Variants in RABGAP1L observed in about 807,000 individuals in gnomAD.
The protein encoded by RABGAP1L is RAB GTPase activating protein 1 like.
Under a neutral mutation model 137.7 loss-of-function variants are expected in RABGAP1L, and 63 were observed. The observed-to-expected ratio is 0.46, with a 90% CI of 0.37 to 0.56. RABGAP1L has a LOEUF of 0.56. Among genes scored for constraint, RABGAP1L ranks in the 20% least tolerant of loss-of-function variants. RABGAP1L has a pLI of 0.00. For synonymous variants in RABGAP1L, 431 were observed against 433.7 expected, an observed-to-expected ratio of 0.99 and a Z score of 0.08; for missense variants, 1,095 against 1,244.0, an observed-to-expected ratio of 0.88 and a Z score of 1.80.
intron 13 of RABGAP1L, among the ~76,000 whole-genome samples, chr1:174,636,256 C>T (rs974736562): frequency 6.6e-6 from 1 of 152,132 alleles, no homozygotes; most frequent in Non-Finnish European, 1.5e-5. Context: ...TCATCCTTCA[C>T]ACCTGTAATC....
In RABGAP1L at chr1:174,272,414, A is replaced by T. The variant is rs1196976188; in HGVS notation, c.987A>T (p.Arg329Ser). 2 of 1,601,212 alleles carry T rather than the reference A, an allele frequency of 1.2e-6. No individual in the cohort carries two copies. Among genetic ancestry groups the T allele is most frequent in the Non-Finnish European group, 1.7e-6 (2 of 1,175,306 alleles). Residue 329 changes from arginine (R) to serine (S), a missense_variant and splice_region_variant, in exon 8 of 26, where the codon AGA becomes AGT. By Grantham distance (110) the Arg-to-Ser change is moderately radical (BLOSUM62 -1). Coordinates refer to ENST00000681986, the MANE Select transcript of RABGAP1L (RefSeq NM_001366446.1). ...CCTTTTTTTCCCCCAATATTTTCAG[A>T]TGTTTTGGAATGTTATTAAGCCCAG... ...QLSNKELAIERCFGMLLSPGR... is the reference protein window; with the variant it reads ...QLSNKELAIESCFGMLLSPGR...
intron 10 of RABGAP1L, among the ~76,000 whole-genome samples, chr1:174,304,035 G>A (rs1278089352): frequency 6.6e-6 from 1 of 152,032 alleles, no homozygotes; most frequent in Admixed American, 6.6e-5. Context: ...TTTAAACATA[G>A]TGTTACTTGT....
intron 13 of RABGAP1L, among the ~76,000 whole-genome samples, chr1:174,518,501 G>A (rs1347233617): frequency 6.6e-6 from 1 of 152,036 alleles, no homozygotes; most frequent in African/African-American, 2.4e-5. Flanking sequence ...TTGCTGTATT[G>A]TTATTTTTTT....
intron 10 of RABGAP1L, among the ~76,000 whole-genome samples, chr1:174,287,803 C>A (rs1381161858): frequency 6.6e-6 from 1 of 152,094 alleles, no homozygotes; most frequent in Admixed American, 6.5e-5. Context: ...TACTCTATAT[C>A]TTTTGATTGA....
chr1:174,928,227 G>A (rs1663156623), intron 19 of RABGAP1L, among the ~76,000 whole-genome samples: 1 of 152,072 alleles, frequency 6.6e-6, no homozygotes, highest in Admixed American at 6.6e-5. Context: ...TCCAGGCCCA[G>A]CCAAGCCTTA....
intron 17 of RABGAP1L, among the ~76,000 whole-genome samples, chr1:174,710,490 C>G (rs1680395895): frequency 6.6e-6 from 1 of 152,150 alleles, no homozygotes; most frequent in Non-Finnish European, 1.5e-5. Context: ...CTGCAGAAAC[C>G]CTGCAAGCTA....
Position 174,439,691 on chromosome 1 carries a change from T to C in RABGAP1L, c.1710+45546T>C, listed in dbSNP as rs149736508. ...TTCTAGCTTTTTCTTGTGAAGTTTG[T>C]GTATTCTGAGCTTCACATAGACTGG... On this transcript the variant is annotated intron_variant, in intron 13 of 25. Coordinates refer to ENST00000681986, the MANE Select transcript of RABGAP1L (RefSeq NM_001366446.1). 2.8e-3 allele frequency among the ~76,000 whole-genome samples: 429 copies of C among 152,344 alleles called. 5 individuals are homozygous for C. The highest frequency in any genetic ancestry group is 9.9e-3 in the African/African-American group (411 of 41,582).
In RABGAP1L at chr1:174,788,988, T is replaced by TC. The variant is rs1488126484; in HGVS notation, c.2212-22843dup. On this transcript the variant is annotated intron_variant, in intron 18 of 25. Coordinates refer to ENST00000681986, the MANE Select transcript of RABGAP1L (RefSeq NM_001366446.1). ...TTCAGCCACCCAAAGTGCTGGGGGT[T>TC]CAGGTGTGAGCCACTGCAGTCAGCC... Among the ~76,000 whole-genome samples, 3 of 152,140 alleles carry TC rather than the reference T, an allele frequency of 2.0e-5. No homozygotes were observed. In the East Asian group the frequency reaches 5.8e-4, roughly 29 times the overall value.
At chr1:174,783,225 C>T (rs1297077732) in intron 18 of RABGAP1L, among the ~76,000 whole-genome samples, 1 of 152,192 alleles carries the variant, frequency 6.6e-6, no homozygotes, top group Admixed American at 6.5e-5. Context: ...TGGCTAAATG[C>T]CCAGGTTTGT....
intron 13 of RABGAP1L, among the ~76,000 whole-genome samples, chr1:174,616,223 C>A (rs550469791): frequency 6.6e-6 from 1 of 152,150 alleles, no homozygotes; most frequent in African/African-American, 2.4e-5. Flanking sequence ...ATTTTGGGTG[C>A]CCCCCGTTGG....
chr1:174,448,707 C>T lies in RABGAP1L; in HGVS notation c.1710+54562C>T. 1 of 1,613,994 alleles carries T rather than the reference C, an allele frequency of 6.2e-7. No individual in the cohort carries two copies. The highest frequency in any genetic ancestry group is 8.5e-7 in the Non-Finnish European group (1 of 1,179,890). On this transcript the variant is annotated intron_variant, in intron 13 of 25. Coordinates refer to ENST00000681986, the MANE Select transcript of RABGAP1L (RefSeq NM_001366446.1). This position sits in a 1 kb window ranked among gnomAD's most constrained non-coding sequence, Gnocchi z 4.2. ...GAATGGTGTGCCACGTCTTGGCTCA[C>T]CAGTGCCTATTTTACTGGCTTTATT...
intron 17 of RABGAP1L, among the ~76,000 whole-genome samples, chr1:174,707,426 A>C (rs921015792): frequency 1.3e-5 from 2 of 152,184 alleles, no homozygotes; most frequent in African/African-American, 4.8e-5. Context: ...AGAAGTTACT[A>C]TGATGGGGAA....
intron 13 of RABGAP1L, among the ~76,000 whole-genome samples, chr1:174,496,260 G>A (rs773148733): frequency 1.3e-5 from 2 of 152,156 alleles, no homozygotes; most frequent in Non-Finnish European, 2.9e-5. Context: ...TTCCAGTGTT[G>A]AGAAGAAGAG....
At chr1:174,821,066 C>T (rs1298511602) in intron 19 of RABGAP1L, among the ~76,000 whole-genome samples, 2 of 151,664 alleles carry the variant, frequency 1.3e-5, no homozygotes, top group Admixed American at 6.6e-5. Flanking sequence ...TTCCAGTGAT[C>T]GCAGCAAAAC....
chr1:174,448,405 T>C lies in RABGAP1L; in HGVS notation c.1710+54260T>C. On this transcript the variant is annotated intron_variant, in intron 13 of 25. Transcript: ENST00000681986. The surrounding 1 kb of genome is among the most constrained non-coding windows in gnomAD (Gnocchi z 4.2). The stretch of plus-strand genomic sequence containing the variant: ...TTGGAGTTAGCTGCTTGGTTCCTAC[T>C]CTGTCACTTCTCCACTACTCCACAG... 1 of 1,613,288 alleles carries C rather than the reference T, an allele frequency of 6.2e-7. No individual in the cohort carries two copies. The highest frequency in any genetic ancestry group is 8.5e-7 in the Non-Finnish European group (1 of 1,179,216).
At chr1:174,624,295 C>G (rs1374517688) in intron 13 of RABGAP1L, among the ~76,000 whole-genome samples, 1 of 152,206 alleles carries the variant, frequency 6.6e-6, no homozygotes, top group South Asian at 2.1e-4. Flanking sequence ...TGCAGACATT[C>G]TCCACTGATT....
At chr1:174,518,911 A>C (rs1002338820) in intron 13 of RABGAP1L, among the ~76,000 whole-genome samples, 4 of 152,150 alleles carry the variant, frequency 2.6e-5, no homozygotes, top group Non-Finnish European at 5.9e-5. Context: ...GAGGATTTCA[A>C]AGTTCCCAAC....
At position 174,241,599 on chromosome 1, in the gene RABGAP1L, G is replaced by A. The variant is rs1350404679; in HGVS notation, c.659G>A (p.Ser220Asn). 2 of 1,613,884 alleles carry A rather than the reference G, an allele frequency of 1.2e-6. No homozygotes were observed. Among genetic ancestry groups the A allele is most frequent in the Admixed American group, 1.7e-5 (1 of 59,976 alleles). Residue 220 changes from serine to asparagine, a missense_variant, in exon 5 of 26, where the codon AGT becomes AAT. By Grantham distance (46) the Ser-to-Asn change is conservative. Coordinates refer to ENST00000681986, the MANE Select transcript of RABGAP1L (RefSeq NM_001366446.1). ...AGCAATTGCTTTGCATTTACAGAGA[G>A]TTCCCATGGTTCGGAAGAATTTCAG... ...TESNCFAFTE[S>N]SHGSEEFQIH...
chr1:174,796,603 G>A (rs1400692627), intron 18 of RABGAP1L, among the ~76,000 whole-genome samples: 1 of 152,180 alleles, frequency 6.6e-6, no homozygotes, highest in African/African-American at 2.4e-5. Flanking sequence ...GGAAACATGA[G>A]GGATTTTTGA....
Sources: gnomAD v4.1 joint callset for allele counts (sites outside exome capture counted in the v4.1 genomes callset) on GRCh38, gnomAD v4.1.1 for gene constraint, Gnocchi (gnomAD v3.1) non-coding constraint, MANE v1.5 for transcripts, NCBI Gene and HGNC (gene_info 2026-07-23, HGNC 2026-07-21) for gene names.